CPNE3: variants seen among roughly 807,000 people sequenced by gnomAD.
CPNE3 encodes copine-3.
In CPNE3, 68 loss-of-function variants were observed where a neutral mutation model predicts 63.9. That is an observed-to-expected ratio of 1.06 (90% CI 0.87 to 1.30). The LOEUF is 1.30. Ranked by LOEUF, CPNE3 falls within the 50% of genes most tolerant of loss-of-function variation. The pLI, the probability that CPNE3 is intolerant of heterozygous loss-of-function variation, is 0.00. For missense variants in CPNE3, 665 were observed against 578.1 expected (o/e 1.15, Z -1.54); for synonymous variants, 219 against 197.5 (o/e 1.11, Z -0.91).
chr8:86,551,152 C>T, intron 13 of CPNE3, 31 bp from the exon 14 acceptor site: 1 of 1,613,414 alleles, frequency 6.2e-7, no homozygotes, highest in Admixed American at 1.7e-5. Flanking sequence ...AGCAGCCCAG[C>T]CCTCATCAGT....
At chr8:86,554,788 G>A in intron 14 of CPNE3, 63 bp from the exon 15 acceptor site, 2 of 1,579,608 alleles carry the variant, frequency 1.3e-6, no homozygotes, top group Admixed American at 1.7e-5. Flanking sequence ...AGCCAGTATT[G>A]TGAATAAACA....
At chr8:86,557,755 TAC>T (rs545682862) in intron 16 of CPNE3, among the ~76,000 whole-genome samples, 39 of 148,712 alleles carry the variant, frequency 2.6e-4, no homozygotes, top group African/African-American at 2.2e-4. Context: ...CACACACACA[TAC>T]ACACACACAC....
At chr8:86,549,514 T>A (rs527649844) in intron 12 of CPNE3, among the ~76,000 whole-genome samples, 50 of 152,218 alleles carry the variant, frequency 3.3e-4, no homozygotes, top group African/African-American at 1.1e-3. Flanking sequence ...GGGAGGGGGT[T>A]GTAAAAGCTG....
rs113027604 is a variant in CPNE3 at position 86,532,301 on chromosome 8, C to G, written c.388-208C>G. Among the ~76,000 whole-genome samples, 15 of 152,222 alleles carry G rather than the reference C, an allele frequency of 9.9e-5. 1 individual carries two copies. Among genetic ancestry groups the G allele is most frequent in the African/African-American group, 2.6e-4 (11 of 41,532 alleles). ...TCAAAAGACATTGCTTAATGCAGAC[C>G]TGGGCATATTTTGGGAAAATCTTTA... On this transcript the variant is annotated intron_variant, in intron 5 of 16. Transcript: ENST00000517490.
intron 2 of CPNE3, among the ~76,000 whole-genome samples, chr8:86,521,974 A>T (rs896368814): frequency 3.0e-4 from 39 of 128,784 alleles, no homozygotes; most frequent in Non-Finnish European, 6.8e-4. Context: ...TGAAAATTGT[A>T]AAAAAAAACA....
chr8:86,552,974 C>CT (rs1821224503), intron 14 of CPNE3, among the ~76,000 whole-genome samples: 1 of 43,242 alleles, frequency 2.3e-5, no homozygotes, highest in African/African-American at 8.1e-5. Context: ...CCCCCCCCCC[C>CT]CCCCGCCCAC....
chr8:86,528,591 G>C lies in CPNE3; in HGVS notation c.46G>C (p.Ala16Pro). 1.2e-6 allele frequency: 2 copies of C among 1,613,998 alleles called. No homozygotes were observed. Among genetic ancestry groups the C allele is most frequent in the Non-Finnish European group, 1.7e-6 (2 of 1,179,988 alleles). Residue 16 changes from alanine (A) to proline (P), a missense_variant, in exon 3 of 17, where the codon GCC becomes CCC. Coordinates refer to ENST00000517490, the MANE Select transcript of CPNE3 (RefSeq NM_003909.5). ...VTKVALNVSC[A>P]NLLDKDIGSK... ...AAAGGTGGCGCTGAATGTTTCCTGT[G>C]CCAATCTTTTGGATAAAGATATAGG...
At chr8:86,542,954 CA>C (rs1319375099) in intron 8 of CPNE3, among the ~76,000 whole-genome samples, 12 of 152,154 alleles carry the variant, frequency 7.9e-5, no homozygotes, top group African/African-American at 2.9e-4. Flanking sequence ...TTGGCCTTGT[CA>C]AAGCTTAATC....
intron 6 of CPNE3, 37 bp downstream of exon 6, chr8:86,532,617 G>A (rs780272681): frequency 1.3e-6 from 2 of 1,546,180 alleles, no homozygotes; most frequent in Admixed American, 3.8e-5. Context: ...AGGTTGTCAT[G>A]TTTTGCCTCT....
intron 8 of CPNE3, among the ~76,000 whole-genome samples, chr8:86,543,099 C>G (rs1242820688): frequency 1.3e-5 from 2 of 152,018 alleles, no homozygotes; most frequent in Admixed American, 6.6e-5. Flanking sequence ...TCTACCTTAT[C>G]TAAATATTAC....
At chr8:86,548,173 G>A (rs1016172849) in intron 11 of CPNE3, 128 bp from the exon 12 acceptor site, 8 of 853,650 alleles carry the variant, frequency 9.4e-6, no homozygotes, top group African/African-American at 1.7e-5. Context: ...TGGAAATAGT[G>A]GTAGGCATTT....
chr8:86,517,809 C>T (rs1259341223), intron 2 of CPNE3, among the ~76,000 whole-genome samples: 1 of 152,164 alleles, frequency 6.6e-6, no homozygotes, highest in African/African-American at 2.4e-5. Flanking sequence ...TTATTGTTGG[C>T]TCTCCAGCAC....
At chr8:86,539,626 C>A (rs962289821) in intron 7 of CPNE3, among the ~76,000 whole-genome samples, 1 of 150,824 alleles carries the variant, frequency 6.6e-6, no homozygotes, top group Non-Finnish European at 1.5e-5. Flanking sequence ...TGCAATGAAA[C>A]CCTCATTGCT....
chr8:86,531,916 G>A (rs1344718373), intron 5 of CPNE3, among the ~76,000 whole-genome samples: 1 of 152,132 alleles, frequency 6.6e-6, no homozygotes, highest in Admixed American at 6.5e-5. Context: ...TATGTTTCAA[G>A]GTTATCATGA....
At chr8:86,533,692 C>T in intron 6 of CPNE3, among the ~76,000 whole-genome samples, 1 of 152,016 alleles carries the variant, frequency 6.6e-6, no homozygotes. Flanking sequence ...AATTATAACT[C>T]ATGGCCAATT....
chr8:86,548,503 T>C, intron 12 of CPNE3, 69 bp downstream of exon 12: 1 of 1,591,038 alleles, frequency 6.3e-7, no homozygotes, highest in Non-Finnish European at 8.6e-7. Flanking sequence ...GTTTGTTTCA[T>C]CGGCTAGCAC....
chr8:86,534,319 G>A (rs1251197437), intron 6 of CPNE3, among the ~76,000 whole-genome samples: 5 of 152,018 alleles, frequency 3.3e-5, no homozygotes, highest in East Asian at 1.9e-4. Context: ...GTGTGTTTTC[G>A]GGAAGTTTGT....
rs759444359 is a variant in CPNE3 at position 86,558,462 on chromosome 8, C to T, written c.*52C>T. 5 of 869,816 alleles carry T rather than the reference C, an allele frequency of 5.7e-6. No homozygotes were observed. The East Asian group carries it at 1.2e-4, about 21-fold the overall frequency. 53.9% of individuals were successfully genotyped at this position (869,816 alleles called of 1,614,324 possible). ...ATGTGGAGCAATGCCATCTCTCACC[C>T]CAAATCGTGTATCTGTCATTCTACG... On this transcript the variant is annotated 3_prime_UTR_variant, in exon 17 of 17. Transcript: ENST00000517490.
At chr8:86,555,995 A>G in intron 15 of CPNE3, 107 bp from the exon 16 acceptor site, 1 of 724,458 alleles carries the variant, frequency 1.4e-6, no homozygotes. Flanking sequence ...GCTAGGGTAG[A>G]GACTGGCAAG....
Sources: allele counts gnomAD v4.1 joint callset (sites outside exome capture counted in the v4.1 genomes callset), GRCh38; gene constraint gnomAD v4.1.1; transcripts MANE v1.5; gene names NCBI Gene and HGNC (gene_info 2026-07-23, HGNC 2026-07-21).